COQ8A: variants seen among roughly 807,000 people sequenced by gnomAD.
COQ8A encodes the protein atypical kinase COQ8A, mitochondrial.
A neutral mutation model predicts 65.0 loss-of-function variants in COQ8A; 51 were observed. The ratio of observed to expected loss-of-function variants is 0.78; its 90% CI spans 0.63 to 0.99. The LOEUF is 0.99. Among genes scored for constraint, COQ8A ranks in the 50% least tolerant of loss-of-function variants. The probability of loss-of-function intolerance (pLI) is 0.00; values close to 1 mark genes in which losing one functional copy is unlikely to be tolerated. For missense variants in COQ8A, 940 were observed against 875.0 expected, an observed-to-expected ratio of 1.07 and a Z score of -0.94; for synonymous variants, 371 against 353.2, an observed-to-expected ratio of 1.05 and a Z score of -0.57.
At chr1:226,966,375 G>A (rs899532112) in intron 4 of COQ8A, among the ~76,000 whole-genome samples, 1 of 152,244 alleles carries the variant, frequency 6.6e-6, no homozygotes, top group Non-Finnish European at 1.5e-5. Flanking sequence ...TATAGCAGTT[G>A]TGTCTGCTTT....
chr1:226,940,541 G>A (rs1446516517), intron 1 of COQ8A, 142 bp downstream of exon 1: 1 of 152,516 alleles, frequency 6.6e-6, no homozygotes, highest in Admixed American at 6.5e-5. Flanking sequence ...CTGGCCGCGA[G>A]CCTCAGGTCC....
Position 226,984,525 on chromosome 1 carries a change from C to G in COQ8A, c.1399-23C>G. On this transcript the variant is annotated intron_variant, in intron 11 of 14. Coordinates refer to ENST00000366777, the MANE Select transcript of COQ8A (RefSeq NM_020247.5). ...CCAGGCAGTGTGGTGCTGCCTGACACAGACCCTTCGCGCTGTCCACAGATC... is the reference window on the plus strand; with the variant it reads ...CCAGGCAGTGTGGTGCTGCCTGACAGAGACCCTTCGCGCTGTCCACAGATC... The G allele has an allele frequency of 1.9e-6, 3 of 1,592,902 alleles. No individual in the cohort carries two copies. In the South Asian group the frequency reaches 3.3e-5, roughly 18 times the overall value.
intron 1 of COQ8A, among the ~76,000 whole-genome samples, chr1:226,960,257 TGG>T (rs1658085921): frequency 1.4e-5 from 2 of 141,622 alleles, no homozygotes; most frequent in South Asian, 2.4e-4. Flanking sequence ...TTGGTGGTGG[TGG>T]TGGTGGTACT....
At chr1:226,980,660 T>G (rs1379657598) in intron 5 of COQ8A, among the ~76,000 whole-genome samples, 1 of 152,230 alleles carries the variant, frequency 6.6e-6, no homozygotes, top group Non-Finnish European at 1.5e-5. Flanking sequence ...GGGTCATAGC[T>G]CAGCCTCCCA....
In COQ8A at chr1:226,983,873, C is replaced by A. The variant is rs998937188; in HGVS notation, c.1256+19C>A. On this transcript the variant is annotated intron_variant, in intron 10 of 14. Transcript: ENST00000366777. ...AGTTCAGGTGTGGCCCCCGGCCGGG[C>A]CCCTTGCGTGTTTGCACCAGGGAGG... The A allele has an allele frequency of 1.9e-6, 3 of 1,584,902 alleles. No individual in the cohort carries two copies. In the African/African-American group the frequency reaches 4.2e-5, roughly 22 times the overall value.
At position 226,986,605 on chromosome 1, in the gene COQ8A, G is replaced by A. The variant is rs887556564; in HGVS notation, c.1812G>A (p.Glu604=). 3 of 1,613,664 alleles carry A rather than the reference G, an allele frequency of 1.9e-6. No homozygotes were observed. In the African/African-American group the frequency reaches 4.0e-5, roughly 22 times the overall value. Residue 604 remains glutamate (E), a synonymous_variant, in exon 15 of 15, where the codon GAG becomes GAA. Coordinates refer to ENST00000366777, the MANE Select transcript of COQ8A (RefSeq NM_020247.5). The part of the protein sequence containing the change: ...MLRHRLVPPP[E]ETYSLHRKMG... ...GGCACCGTCTCGTCCCCCCACCCGA[G>A]GAAACCTACTCCCTGCACAGGAAGA...
intron 5 of COQ8A, among the ~76,000 whole-genome samples, chr1:226,977,955 TTACA>T (rs1201407563): frequency 2.3e-5 from 3 of 128,906 alleles, no homozygotes; most frequent in Non-Finnish European, 3.2e-5. Flanking sequence ...CACCCGCACC[TTACA>T]TACCCCTTGC....
intron 6 of COQ8A, 88 bp from the exon 7 acceptor site, chr1:226,982,590 C>T (rs922905991): frequency 1.4e-6 from 2 of 1,401,778 alleles, no homozygotes; most frequent in African/African-American, 1.4e-5. Context: ...GGTGTGGTGG[C>T]CAGGGCATCC....
chr1:226,950,567 T>G (rs1657314545), intron 1 of COQ8A, among the ~76,000 whole-genome samples: 1 of 152,208 alleles, frequency 6.6e-6, no homozygotes, highest in Admixed American at 6.5e-5. Context: ...AATTTACCTT[T>G]TGAAAATGAT....
intron 1 of COQ8A, among the ~76,000 whole-genome samples, chr1:226,951,439 CA>C (rs1273154466): frequency 3.3e-5 from 5 of 152,168 alleles, no homozygotes; most frequent in African/African-American, 1.2e-4. Flanking sequence ...CCTTCATGAG[CA>C]GTACTTAGGG....
Position 226,984,531 on chromosome 1 carries a change from C to G in COQ8A, c.1399-17C>G, listed in dbSNP as rs770128879. 2 of 1,601,304 alleles carry G rather than the reference C, an allele frequency of 1.2e-6. No individual in the cohort carries two copies. Among genetic ancestry groups the G allele is most frequent in the Non-Finnish European group, 1.7e-6 (2 of 1,168,064 alleles). On this transcript the variant is annotated splice_polypyrimidine_tract_variant and intron_variant, in intron 11 of 14. Coordinates refer to ENST00000366777, the MANE Select transcript of COQ8A (RefSeq NM_020247.5). Reference sequence around the variant, plus strand: ...AGTGTGGTGCTGCCTGACACAGACCCTTCGCGCTGTCCACAGATCTGCTAC... The same window carrying G: ...AGTGTGGTGCTGCCTGACACAGACCGTTCGCGCTGTCCACAGATCTGCTAC...
In COQ8A at chr1:226,949,905, A is replaced by G. The variant is rs188494445; in HGVS notation, c.-10+9506A>G. ...CACATGACTTGATTTAGGTCACACT[A>G]GCAAGTCAGTGGCAGAGTCATGATG... On this transcript the variant is annotated intron_variant, in intron 1 of 14. Transcript: ENST00000366777. This position sits in a 1 kb window ranked among gnomAD's most constrained non-coding sequence, Gnocchi z 4.0. 8.5e-5 allele frequency among the ~76,000 whole-genome samples: 13 copies of G among 152,336 alleles called. No individual in the cohort carries two copies. Among genetic ancestry groups the G allele is most frequent in the Admixed American group, 6.5e-4 (10 of 15,298 alleles).
chr1:226,985,357 G>A lies in COQ8A; in HGVS notation c.1659+17G>A. The A allele has an allele frequency of 6.2e-7, 1 of 1,612,466 alleles. No homozygotes were observed. The highest frequency in any genetic ancestry group is 1.1e-5 in the South Asian group (1 of 91,068). The stretch of plus-strand genomic sequence containing the variant: ...GAGGTCAAGGTGAGCAGGGTTGCGG[G>A]GGATCCCCTGGGCCTGCTGACCCAG... On this transcript the variant is annotated intron_variant, in intron 14 of 14. Transcript: ENST00000366777.
Position 226,984,598 on chromosome 1 carries a change from C to A in COQ8A, c.1449C>A (p.His483Gln). Reference sequence around the variant, plus strand: ...GCCTGAGGGAGCTGTTCGAGTTCCACTTCATGCAAACAGACCCCAACTGGT... The same window carrying A: ...GCCTGAGGGAGCTGTTCGAGTTCCAATTCATGCAAACAGACCCCAACTGGT... ...VLCLRELFEF[H>Q]FMQTDPNWSN... The change falls in exon 12 of 15, where the codon CAC becomes CAA. Residue 483 changes from histidine (H) to glutamine (Q), a missense_variant. By Grantham distance (24) the His-to-Gln change is conservative (BLOSUM62 0). Coordinates refer to ENST00000366777, the MANE Select transcript of COQ8A (RefSeq NM_020247.5). 1 of 1,614,194 alleles carries A rather than the reference C, an allele frequency of 6.2e-7. No homozygotes were observed. The highest frequency in any genetic ancestry group is 1.1e-5 in the South Asian group (1 of 91,090).
chr1:226,982,175 C>T, intron 6 of COQ8A, 26 bp downstream of exon 6: 4 of 1,555,222 alleles, frequency 2.6e-6, no homozygotes, highest in Non-Finnish European at 3.5e-6. Flanking sequence ...GGCTGCTGCC[C>T]CGGGACTGCG....
At chr1:226,984,408 T>A in intron 11 of COQ8A, 140 bp from the exon 12 acceptor site, 1 of 1,280,008 alleles carries the variant, frequency 7.8e-7, no homozygotes, top group Non-Finnish European at 1.1e-6. Flanking sequence ...CTGCCTTCCC[T>A]GGCCCAAGTA....
chr1:226,974,463 A>G (rs1196865023), intron 4 of COQ8A, among the ~76,000 whole-genome samples: 1 of 152,032 alleles, frequency 6.6e-6, no homozygotes, highest in Non-Finnish European at 1.5e-5. Flanking sequence ...GAGAGGTGTG[A>G]GGTGTCCTGA....
At position 226,987,498 on chromosome 1, in the gene COQ8A, G is replaced by GA. The variant is rs1294579420; in HGVS notation, c.*763dup. 2.0e-5 allele frequency: 3 copies of GA among 152,210 alleles called. No homozygotes were observed. The highest frequency in any genetic ancestry group is 2.9e-5 in the Non-Finnish European group (2 of 68,060). 9.4% of individuals were successfully genotyped at this position (152,210 alleles called of 1,614,324 possible). ...TTTTTGTACAAGTCTTGTAATTATC[G>GA]AATCAACAACTTGTTTCAATTTAAT... On this transcript the variant is annotated 3_prime_UTR_variant, in exon 15 of 15. Coordinates refer to ENST00000366777, the MANE Select transcript of COQ8A (RefSeq NM_020247.5).
chr1:226,951,638 G>A (rs1399775984), intron 1 of COQ8A, among the ~76,000 whole-genome samples: 1 of 152,072 alleles, frequency 6.6e-6, no homozygotes, highest in African/African-American at 2.4e-5. Flanking sequence ...ATTCAACTCT[G>A]GTGACCTTCC....
Sources: allele counts gnomAD v4.1 joint callset (sites outside exome capture counted in the v4.1 genomes callset), GRCh38; gene constraint gnomAD v4.1.1; non-coding constraint Gnocchi (gnomAD v3.1); transcripts MANE v1.5; gene names NCBI Gene and HGNC (gene_info 2026-07-23, HGNC 2026-07-21).